SRRM2: variants seen among roughly 807,000 people sequenced by gnomAD.
SRRM2 encodes the protein serine/arginine repetitive matrix 2, also known as serine/arginine repetitive matrix protein 2.
In SRRM2, 30 loss-of-function variants were observed where a neutral mutation model predicts 213.8. The ratio of observed to expected loss-of-function variants is 0.14; its 90% CI spans 0.10 to 0.19. The LOEUF (loss-of-function observed/expected upper bound fraction) is 0.19, where lower values mean the gene tolerates loss of function less well. SRRM2 is among the 10% of genes least tolerant of loss of function. The probability of loss-of-function intolerance (pLI) is 1.00; values close to 1 mark genes in which losing one functional copy is unlikely to be tolerated. For synonymous variants in SRRM2, 2,025 were observed against 1,377.7 expected (o/e 1.47, Z -10.40); for missense variants, 4,904 against 3,647.0 (o/e 1.34, Z -8.88).
In SRRM2 at chr16:2,762,773, A is replaced by G. The variant is rs138290392; in HGVS notation, c.2245A>G (p.Met749Val). 8 of 1,614,056 alleles carry G rather than the reference A, an allele frequency of 5.0e-6. No homozygotes were observed. The African/African-American group carries it at 8.0e-5, about 16-fold the overall frequency. The change falls in exon 11 of 15, where the codon ATG becomes GTG. Residue 749 changes from methionine to valine, a missense_variant. Transcript: ENST00000301740. ...AAGCAGGTCCAATTCAAGCCCAGAAATGAAGAAATCTCGCATTTCTTCAAG... is the reference window on the plus strand; with the variant it reads ...AAGCAGGTCCAATTCAAGCCCAGAAGTGAAGAAATCTCGCATTTCTTCAAG... ...RRSRSNSSPE[M>V]KKSRISSRRS...
chr16:2,765,702 G>A lies in SRRM2; in HGVS notation c.5174G>A (p.Arg1725Gln), dbSNP rs2068515756. The A allele has an allele frequency of 3.7e-6, 6 of 1,614,078 alleles. No homozygotes were observed. Among genetic ancestry groups the A allele is most frequent in the Non-Finnish European group, 3.4e-6 (4 of 1,180,010 alleles). ...ETRSRTPPRHRRSPSVSSPEP... is the reference protein window; with the variant it reads ...ETRSRTPPRHQRSPSVSSPEP... The stretch of plus-strand genomic sequence containing the variant: ...CGCTCTAGAACTCCCCCAAGGCACC[G>A]GAGAAGTCCCTCAGTGTCTTCCCCG... The change falls in exon 11 of 15, where the codon CGG (arginine) becomes CAG (glutamine). Residue 1725 changes from arginine (R) to glutamine (Q), a missense_variant. Transcript: ENST00000301740.
Position 2,757,805 on chromosome 16 carries a change from A to G in SRRM2, c.375A>G (p.Ala125=). ...RPAVTETHQL[A]ELNEKKNERL... Reference sequence around the variant, plus strand: ...GGGTCACGGAGACTCACCAGTTGGCAGAATTAAATGAGAAGAAGAATGAAA... The same window carrying G: ...GGGTCACGGAGACTCACCAGTTGGCGGAATTAAATGAGAAGAAGAATGAAA... The change falls in exon 4 of 15, where the codon GCA becomes GCG. Residue 125 remains alanine, a synonymous_variant. Coordinates refer to ENST00000301740, the MANE Select transcript of SRRM2 (RefSeq NM_016333.4). 1 of 1,614,126 alleles carries G rather than the reference A, an allele frequency of 6.2e-7. No individual in the cohort carries two copies.
chr16:2,752,733 A>G lies in SRRM2; in HGVS notation c.-145A>G. 2.9e-6 allele frequency: 1 copy of G among 349,994 alleles called. No individual in the cohort carries two copies. Among genetic ancestry groups the G allele is most frequent in the Non-Finnish European group, 5.7e-6 (1 of 176,110 alleles). The allele number at this position is 349,994 out of a possible 1,614,324, so 21.7% of individuals were successfully genotyped here. On this transcript the variant is annotated 5_prime_UTR_variant, in exon 1 of 15. Coordinates refer to ENST00000301740, the MANE Select transcript of SRRM2 (RefSeq NM_016333.4). ...AGCGAGGAGGCGTCGGCGTCGGCTG[A>G]GGCGGGCGGACCGGCGAGGCGAGGC...
intron 9 of SRRM2, chr16:2,759,956 T>C: frequency 1.9e-6 from 1 of 538,064 alleles, no homozygotes; most frequent in Non-Finnish European, 3.3e-6. Flanking sequence ...GAAGGAATCC[T>C]TACCCTGGCT....
In SRRM2 at chr16:2,770,669, G is replaced by A. The variant is rs1244424446; in HGVS notation, c.8201G>A (p.Arg2734His). The A allele has an allele frequency of 5.1e-6, 8 of 1,554,994 alleles. No homozygotes were observed. The highest frequency in any genetic ancestry group is 2.4e-5 in the East Asian group (1 of 41,230). The change falls in exon 14 of 15, where the codon CGC (arginine) becomes CAC (histidine). Residue 2734 changes from arginine to histidine, a missense_variant. Physicochemically the swap from Arg to His is conservative, Grantham distance 29. Transcript: ENST00000301740. ...RGDSRSPSHK[R>H]RRETPSPRPM... ...GACAGCCGCTCCCCCAGCCACAAGC[G>A]CAGGAGGGAGACACCTAGCCCTCGG...
Position 2,769,138 on chromosome 16 carries a change from C to CTCT in SRRM2, c.7881_7883dup (p.Ser2648dup). 3 of 1,556,440 alleles carry CTCT rather than the reference C, an allele frequency of 1.9e-6. No homozygotes were observed. Among genetic ancestry groups the CTCT allele is most frequent in the Non-Finnish European group, 1.8e-6 (2 of 1,130,978 alleles). The stretch of plus-strand genomic sequence containing the variant: ...CATCTTCCTCCTCCTCCTCCTCCTC[C>CTCT]TCTTCTTCCTCCTCCTCTTCCTCTT... On this transcript the variant is annotated inframe_insertion, in exon 12 of 15. Transcript: ENST00000301740.
chr16:2,761,219 G>T (rs538062863), intron 10 of SRRM2, among the ~76,000 whole-genome samples: 2 of 152,158 alleles, frequency 1.3e-5, no homozygotes, highest in East Asian at 3.9e-4. Context: ...ATTCTTCAAA[G>T]GTGAAGTTGC....
At position 2,771,295 on chromosome 16, in the gene SRRM2, C is replaced by T. The variant is rs199911255; in HGVS notation, c.*428C>T. The T allele has an allele frequency of 3.1e-4, 300 of 977,262 alleles. No individual in the cohort carries two copies. The highest frequency in any genetic ancestry group is 4.3e-4 in the Non-Finnish European group (268 of 621,158). 60.5% of individuals were successfully genotyped at this position (977,262 alleles called of 1,614,324 possible). On this transcript the variant is annotated 3_prime_UTR_variant, in exon 15 of 15. Coordinates refer to ENST00000301740, the MANE Select transcript of SRRM2 (RefSeq NM_016333.4). ...GAATTAGTTGGTCCCTACTGTCCCC[C>T]ATGAGGTTGTGAACCCCTCCCCCCA... is the stretch of plus-strand genomic sequence containing the variant.
In SRRM2 at chr16:2,764,129, G is replaced by T. The variant is rs776839685; in HGVS notation, c.3601G>T (p.Val1201Leu). Residue 1201 changes from valine (V) to leucine (L), a missense_variant, in exon 11 of 15, where the codon GTA (valine) becomes TTA (leucine). By Grantham distance (32) the Val-to-Leu change is conservative. Transcript: ENST00000301740. ...PVQDRPESSL[V>L]FKDTLRTPPR... The stretch of plus-strand genomic sequence containing the variant: ...ACAGGATAGGCCTGAGTCTTCACTG[G>T]TATTCAAAGACACACTTAGAACCCC... The T allele has an allele frequency of 6.2e-6, 10 of 1,614,024 alleles. No homozygotes were observed. The Admixed American group carries it at 8.3e-5, about 13-fold the overall frequency.
chr16:2,762,723 A>G lies in SRRM2; in HGVS notation c.2195A>G (p.Asn732Ser), dbSNP rs776138845. Residue 732 changes from asparagine (N) to serine (S), a missense_variant, in exon 11 of 15, where the codon AAC (asparagine) becomes AGC (serine). Physicochemically the swap from Asn to Ser is conservative, Grantham distance 46 (BLOSUM62 1). Transcript: ENST00000301740. Reference protein sequence around the residue: ...GRSGSSSERKNKSRTSQRRSR... With the variant: ...GRSGSSSERKSKSRTSQRRSR... ...TCTGGCTCATCTTCAGAGCGGAAAA[A>G]CAAATCCAGAACATCTCAAAGAAGA... The G allele has an allele frequency of 6.2e-7, 1 of 1,614,178 alleles. No individual in the cohort carries two copies. Among genetic ancestry groups the G allele is most frequent in the Non-Finnish European group, 8.5e-7 (1 of 1,180,034 alleles).
chr16:2,769,665 C>T, intron 12 of SRRM2: 1 of 525,980 alleles, frequency 1.9e-6, no homozygotes, highest in Non-Finnish European at 3.7e-6. Flanking sequence ...CCATTCTCTT[C>T]CACATGTAGC....
Position 2,766,414 on chromosome 16 carries a change from TCCA to T in SRRM2, c.5890_5892del (p.Pro1964del), listed in dbSNP as rs1336603516. 1 of 1,612,970 alleles carries T rather than the reference TCCA, an allele frequency of 6.2e-7. No individual in the cohort carries two copies. Among genetic ancestry groups the T allele is most frequent in the Non-Finnish European group, 8.5e-7 (1 of 1,179,816 alleles). ...CTCGCAGAAGGTCCAGATCCAGGAC[TCCA>T]CCAGTAACCAGGAGGCGATCTCGAA... On this transcript the variant is annotated inframe_deletion, in exon 11 of 15. Transcript: ENST00000301740. This position sits in a 1 kb window ranked among gnomAD's most constrained non-coding sequence, Gnocchi z 7.0.
rs780836534 is a variant in SRRM2 at position 2,769,165 on chromosome 16, T to C, written c.7902T>C (p.Ser2634=). ...SSSSSSSSSS[S]SSSSSSSSSS... ...CTTCTTCCTCCTCCTCTTCCTCTTC[T>C]TCTTCTTCCTCCTCATCTTCCTCCT... The change falls in exon 12 of 15, where the codon TCT becomes TCC. Residue 2634 remains serine, a synonymous_variant. Coordinates refer to ENST00000301740, the MANE Select transcript of SRRM2 (RefSeq NM_016333.4). 2.7e-5 allele frequency: 43 copies of C among 1,611,812 alleles called. No individual in the cohort carries two copies. The Admixed American group carries it at 3.0e-4, about 11-fold the overall frequency.
At position 2,764,126 on chromosome 16, in the gene SRRM2, C is replaced by A. The variant is rs764401648; in HGVS notation, c.3598C>A (p.Leu1200Met). The change falls in exon 11 of 15, where the codon CTG becomes ATG. Residue 1200 changes from leucine to methionine, a missense_variant. Leu to Met is a conservative substitution (Grantham distance 15, BLOSUM62 2). Transcript: ENST00000301740. ...FPVQDRPESS[L>M]VFKDTLRTPP... ...AGTACAGGATAGGCCTGAGTCTTCA[C>A]TGGTATTCAAAGACACACTTAGAAC... 6.2e-7 allele frequency: 1 copy of A among 1,614,166 alleles called. No homozygotes were observed. The highest frequency in any genetic ancestry group is 8.5e-7 in the Non-Finnish European group (1 of 1,180,036).
chr16:2,771,401 G>A lies in SRRM2; in HGVS notation c.*534G>A. ...AACTTTTTCTGTCAAATAAAAATGAGAAATGCAGGAACTGGGTCTGTAGAC... is the reference window on the plus strand; with the variant it reads ...AACTTTTTCTGTCAAATAAAAATGAAAAATGCAGGAACTGGGTCTGTAGAC... On this transcript the variant is annotated 3_prime_UTR_variant, in exon 15 of 15. Transcript: ENST00000301740. The A allele has an allele frequency of 6.2e-7, 1 of 1,610,462 alleles. No homozygotes were observed. The highest frequency in any genetic ancestry group is 2.2e-5 in the East Asian group (1 of 44,868).
Position 2,771,237 on chromosome 16 carries a change from T to A in SRRM2, c.*370T>A, listed in dbSNP as rs2068737243. The stretch of plus-strand genomic sequence containing the variant: ...ATGGTGGTTGGGACTGGAGGTTGTA[T>A]AAGGTGTTCTTGGAAGGAAGGGGCA... On this transcript the variant is annotated 3_prime_UTR_variant, in exon 15 of 15. Coordinates refer to ENST00000301740, the MANE Select transcript of SRRM2 (RefSeq NM_016333.4). The A allele has an allele frequency of 4.3e-6, 3 of 702,760 alleles. No homozygotes were observed. The South Asian group carries it at 4.8e-5, about 11-fold the overall frequency. 43.5% of individuals were successfully genotyped at this position (702,760 alleles called of 1,614,324 possible).
intron 4 of SRRM2, 68 bp downstream of exon 4, chr16:2,758,013 C>A: frequency 3.3e-6 from 5 of 1,530,266 alleles, no homozygotes; most frequent in Non-Finnish European, 4.4e-6. Flanking sequence ...CTATTTTTGT[C>A]TTTTTGCGGG....
At chr16:2,757,683 C>G in intron 3 of SRRM2, 98 bp from the exon 4 acceptor site, 10 of 1,581,010 alleles carry the variant, frequency 6.3e-6, no homozygotes, top group Non-Finnish European at 8.6e-6. Flanking sequence ...CTTTCGTCTG[C>G]CTTTCCCATG....
rs1401205992 is a variant in SRRM2 at position 2,763,495 on chromosome 16, C to T, written c.2967C>T (p.His989=). Residue 989 remains histidine, a synonymous_variant, in exon 11 of 15, where the codon CAC becomes CAT. Transcript: ENST00000301740. ...VKPETPPRQS[H]SGSISPYPKV... is the part of the protein sequence containing the mutation. The stretch of plus-strand genomic sequence containing the variant: ...CTGAAACACCGCCAAGACAAAGTCA[C>T]TCAGGGTCTATTTCACCATACCCCA... The T allele has an allele frequency of 1.2e-6, 2 of 1,614,180 alleles. No homozygotes were observed. Among genetic ancestry groups the T allele is most frequent in the East Asian group, 2.2e-5 (1 of 44,882 alleles).
Sources: gnomAD v4.1 joint callset for allele counts (sites outside exome capture counted in the v4.1 genomes callset) on GRCh38, gnomAD v4.1.1 for gene constraint, Gnocchi (gnomAD v3.1) non-coding constraint, MANE v1.5 for transcripts, NCBI Gene and HGNC (gene_info 2026-07-23, HGNC 2026-07-21) for gene names.